The following CALD1 variants were observed in gnomAD, a reference collection of about 807,000 sequenced individuals.
The protein encoded by CALD1 is caldesmon 1.
CALD1 carries 33 observed loss-of-function variants against 99.9 expected under a neutral mutation model. The ratio of observed to expected loss-of-function variants is 0.33; its 90% confidence interval spans 0.25 to 0.44. The LOEUF (loss-of-function observed/expected upper bound fraction) is 0.44. CALD1 is among the 20% of genes least tolerant of loss of function. The pLI is 1.00. For missense variants in CALD1, 861 were observed against 962.1 expected, an observed-to-expected ratio of 0.89 and a Z score of 1.39; for synonymous variants, 310 against 325.0, an observed-to-expected ratio of 0.95 and a Z score of 0.50.
intron 6 of CALD1, among the ~76,000 whole-genome samples, chr7:134,937,464 A>C (rs994666510): frequency 2.0e-5 from 3 of 152,068 alleles, no homozygotes; most frequent in Non-Finnish European, 4.4e-5. Context: ...AAAGAAAACA[A>C]CCCCAATCTA....
intron 1 of CALD1, among the ~76,000 whole-genome samples, chr7:134,792,070 A>G (rs1797556250): frequency 6.6e-6 from 1 of 152,226 alleles, no homozygotes; most frequent in African/African-American, 2.4e-5. Flanking sequence ...GTGGGGACAC[A>G]GCCAAACCAT....
chr7:134,893,472 C>T (rs1381579054), intron 3 of CALD1, among the ~76,000 whole-genome samples: 2 of 152,194 alleles, frequency 1.3e-5, no homozygotes, highest in Non-Finnish European at 2.9e-5. Context: ...AAGAAATGCA[C>T]ACAGGGATGT....
At chr7:134,790,348 A>G (rs538617688) in intron 1 of CALD1, among the ~76,000 whole-genome samples, 21 of 152,280 alleles carry the variant, frequency 1.4e-4, no homozygotes, top group African/African-American at 4.8e-4. Flanking sequence ...CTGCTCTCTC[A>G]GAGCAGTAAA....
intron 9 of CALD1, among the ~76,000 whole-genome samples, chr7:134,956,718 T>C (rs1053352903): frequency 6.6e-6 from 1 of 152,194 alleles, no homozygotes; most frequent in Admixed American, 6.5e-5. Context: ...CTAGGGCAAC[T>C]AAAATCCAGT....
At chr7:134,813,520 G>A (rs1447666538) in intron 1 of CALD1, among the ~76,000 whole-genome samples, 1 of 152,134 alleles carries the variant, frequency 6.6e-6, no homozygotes, top group Non-Finnish European at 1.5e-5. Context: ...ATCAGGCATC[G>A]TTGCAGGAGT....
the CALD1 span, among the ~76,000 whole-genome samples, chr7:134,725,436 T>C: frequency 2.1e-4 from 32 of 152,332 alleles, no homozygotes; most frequent in Non-Finnish European, 4.0e-4. Context: ...AAAGGGCTTT[T>C]CAAAAGTGGG....
At chr7:134,789,062 T>A (rs1398718704) in intron 1 of CALD1, among the ~76,000 whole-genome samples, 3 of 150,330 alleles carry the variant, frequency 2.0e-5, no homozygotes, top group Admixed American at 6.6e-5. Flanking sequence ...GTCTACAATT[T>A]CTACTTTAAA....
At chr7:134,916,523 CCCA>C (rs1463599274) in intron 3 of CALD1, among the ~76,000 whole-genome samples, 3 of 152,186 alleles carry the variant, frequency 2.0e-5, no homozygotes, top group African/African-American at 7.2e-5. Context: ...CATAAATTTC[CCCA>C]CATTAAGCAG....
intron 1 of CALD1, among the ~76,000 whole-genome samples, chr7:134,788,399 C>G (rs1180108170): frequency 6.6e-6 from 1 of 152,180 alleles, no homozygotes; most frequent in African/African-American, 2.4e-5. Flanking sequence ...TGCTACAAAG[C>G]AGACTCCCCT....
chr7:134,880,363 G>T (rs974496681), intron 3 of CALD1, among the ~76,000 whole-genome samples: 1 of 152,162 alleles, frequency 6.6e-6, no homozygotes, highest in African/African-American at 2.4e-5. Context: ...ACTTTACACT[G>T]TTGGAAGGTT....
At chr7:134,953,756 C>G (rs1251047498) in intron 9 of CALD1, among the ~76,000 whole-genome samples, 1 of 146,630 alleles carries the variant, frequency 6.8e-6, no homozygotes, top group East Asian at 2.0e-4. Flanking sequence ...ACCTATTTCT[C>G]TGGTCTTTCC....
intron 1 of CALD1, among the ~76,000 whole-genome samples, chr7:134,837,093 T>A (rs1799473969): frequency 1.0e-5 from 1 of 95,706 alleles, no homozygotes; most frequent in South Asian, 4.4e-4. Context: ...GTAAGCTATA[T>A]CCTTTGCACT....
At chr7:134,768,792 T>A (rs1796850967) in intron 1 of CALD1, among the ~76,000 whole-genome samples, 1 of 152,244 alleles carries the variant, frequency 6.6e-6, no homozygotes, top group Admixed American at 6.5e-5. Flanking sequence ...GATCCTCTTT[T>A]ATGCATTGCT....
At chr7:134,762,515 A>C (rs1796787919) in intron 1 of CALD1, among the ~76,000 whole-genome samples, 2 of 152,216 alleles carry the variant, frequency 1.3e-5, no homozygotes, top group African/African-American at 4.8e-5. Context: ...TAATTTATAA[A>C]GAAAAGAGGT....
intron 2 of CALD1, among the ~76,000 whole-genome samples, chr7:134,848,557 AGT>A (rs1799947557): frequency 2.0e-5 from 3 of 152,162 alleles, no homozygotes; most frequent in Non-Finnish European, 2.9e-5. Context: ...GGGCATCCTG[AGT>A]TTGGGGGAAA....
intron 3 of CALD1, among the ~76,000 whole-genome samples, chr7:134,928,394 A>C (rs1005896553): frequency 7.9e-6 from 1 of 126,014 alleles, no homozygotes; most frequent in Non-Finnish European, 1.6e-5. Flanking sequence ...GTGCTGCTGC[A>C]CTCCAGCCCG....
At chr7:134,926,087 G>A (rs916639002) in intron 3 of CALD1, among the ~76,000 whole-genome samples, 1 of 152,116 alleles carries the variant, frequency 6.6e-6, no homozygotes, top group Non-Finnish European at 1.5e-5. Context: ...AGGAACATTC[G>A]AATCCTGTCA....
At chr7:134,738,703 A>T in the CALD1 span, among the ~76,000 whole-genome samples, 7 of 152,208 alleles carry the variant, frequency 4.6e-5, no homozygotes, top group Non-Finnish European at 8.8e-5. Flanking sequence ...TGTCAAGATA[A>T]TTTTAATCTT....
chr7:134,830,649 G>A (rs1316052644), intron 1 of CALD1, among the ~76,000 whole-genome samples: 1 of 152,066 alleles, frequency 6.6e-6, no homozygotes, highest in Non-Finnish European at 1.5e-5. Context: ...ACTTATAAGT[G>A]AGAACAAGCA....
Sources: allele counts gnomAD v4.1 joint callset (sites outside exome capture counted in the v4.1 genomes callset), GRCh38; gene constraint gnomAD v4.1.1; transcripts MANE v1.5; gene names NCBI Gene and HGNC (gene_info 2026-07-23, HGNC 2026-07-21).